The following DGKB variants were observed in gnomAD, a reference collection of about 807,000 sequenced individuals.
DGKB encodes 90 kDa diacylglycerol kinase.
DGKB carries 67 observed loss-of-function variants against 114.3 expected under a neutral mutation model. That is an observed-to-expected ratio of 0.59 (90% confidence interval 0.48 to 0.72). The LOEUF is 0.72. DGKB is among the 30% of genes least tolerant of loss of function. DGKB has a pLI of 0.00. For missense variants in DGKB, 907 were observed against 975.2 expected (o/e 0.93, Z 0.93); for synonymous variants, 398 against 323.1 (o/e 1.23, Z -2.49).
chr7:14,646,580 T>A (rs558642275), intron 13 of DGKB, among the ~76,000 whole-genome samples: 1 of 152,144 alleles, frequency 6.6e-6, no homozygotes, highest in Non-Finnish European at 1.5e-5. Context: ...AAGGATAGAC[T>A]GTATCTTAGG....
intron 1 of DGKB, among the ~76,000 whole-genome samples, chr7:14,947,132 C>T (rs980870477): frequency 6.6e-6 from 1 of 151,372 alleles, no homozygotes; most frequent in Admixed American, 6.6e-5. Context: ...ACTAGGAAAG[C>T]AAAATTCTAA....
chr7:14,337,798 A>C (rs1231750836), intron 23 of DGKB, among the ~76,000 whole-genome samples: 1 of 152,132 alleles, frequency 6.6e-6, no homozygotes, highest in Non-Finnish European at 1.5e-5. Context: ...AATTACATAC[A>C]TAAACTATTG....
chr7:14,921,389 T>C (rs1394419214), intron 1 of DGKB, among the ~76,000 whole-genome samples: 1 of 152,168 alleles, frequency 6.6e-6, no homozygotes, highest in Non-Finnish European at 1.5e-5. Context: ...GCAAAGGTAA[T>C]ATTGTCCTAA....
chr7:14,956,719 G>A (rs975101457), intron 1 of DGKB, among the ~76,000 whole-genome samples: 1 of 151,872 alleles, frequency 6.6e-6, no homozygotes, highest in East Asian at 1.9e-4. Context: ...AAATATACAG[G>A]CACTTGAGGA....
At chr7:14,905,244 G>GT (rs55752603), upstream of DGKB, among the ~76,000 whole-genome samples, 6,319 of 139,298 alleles carry the variant, frequency 0.045, 184 homozygotes, top group Non-Finnish European at 0.053. Context: ...CATCTTGTTA[G>GT]TTTTTTTTTT....
intron 20 of DGKB, among the ~76,000 whole-genome samples, chr7:14,506,746 T>TC (rs1787139210): frequency 6.6e-6 from 1 of 152,266 alleles, no homozygotes; most frequent in African/African-American, 2.4e-5. Flanking sequence ...CTTGGAATTT[T>TC]CCACACAAAA....
chr7:14,927,608 A>C (rs1336210582), intron 1 of DGKB, among the ~76,000 whole-genome samples: 1 of 147,860 alleles, frequency 6.8e-6, no homozygotes, highest in African/African-American at 2.4e-5. Context: ...ATAAAGGTTG[A>C]ATTATATATA....
At chr7:14,936,318 G>T (rs1483537963) in intron 1 of DGKB, among the ~76,000 whole-genome samples, 1 of 152,070 alleles carries the variant, frequency 6.6e-6, no homozygotes, top group African/African-American at 2.4e-5. Context: ...GGAGCAAAAT[G>T]AAAAGGAGGC....
At chr7:14,921,936 T>G (rs372166261) in intron 1 of DGKB, among the ~76,000 whole-genome samples, 3 of 152,322 alleles carry the variant, frequency 2.0e-5, no homozygotes, top group Non-Finnish European at 2.9e-5. Flanking sequence ...CAATCCACTG[T>G]GTTCTGATTA....
chr7:14,937,143 T>C (rs934994187), intron 1 of DGKB, among the ~76,000 whole-genome samples: 1 of 152,042 alleles, frequency 6.6e-6, no homozygotes, highest in African/African-American at 2.4e-5. Flanking sequence ...CATGTCTTCA[T>C]GGCTTTTACA....
At chr7:14,640,266 A>T (rs1395063756) in intron 13 of DGKB, among the ~76,000 whole-genome samples, 1 of 152,238 alleles carries the variant, frequency 6.6e-6, no homozygotes, top group Admixed American at 6.5e-5. Flanking sequence ...GAAAGGAGAA[A>T]AATGTGGAAT....
intron 23 of DGKB, among the ~76,000 whole-genome samples, chr7:14,294,051 G>C (rs1174312571): frequency 6.6e-6 from 1 of 152,090 alleles, no homozygotes; most frequent in African/African-American, 2.4e-5. Flanking sequence ...TCTTTCTGGA[G>C]GCTCAATGGA....
intron 23 of DGKB, among the ~76,000 whole-genome samples, chr7:14,317,576 A>C (rs1445879972): frequency 1.3e-5 from 2 of 149,974 alleles, no homozygotes; most frequent in Non-Finnish European, 3.0e-5. Context: ...TCCAACTTAC[A>C]AGGGATGTGA....
At chr7:14,677,350 T>C (rs1313516173) in intron 12 of DGKB, among the ~76,000 whole-genome samples, 1 of 151,894 alleles carries the variant, frequency 6.6e-6, no homozygotes, top group Non-Finnish European at 1.5e-5. Context: ...GAAGACCTGA[T>C]TTGGAGGCAC....
At chr7:14,873,857 A>G (rs951012984) in intron 1 of DGKB, among the ~76,000 whole-genome samples, 10 of 152,044 alleles carry the variant, frequency 6.6e-5, no homozygotes, top group African/African-American at 2.4e-4. Flanking sequence ...AGAATTTAGT[A>G]ATGGCTGTAT....
chr7:14,921,288 G>C (rs1226075706), intron 1 of DGKB, among the ~76,000 whole-genome samples: 1 of 152,158 alleles, frequency 6.6e-6, no homozygotes, highest in African/African-American at 2.4e-5. Context: ...TTAATTATAA[G>C]AGATGTAGGA....
At chr7:14,833,154 T>TA (rs1373449153) in intron 2 of DGKB, among the ~76,000 whole-genome samples, 4 of 152,094 alleles carry the variant, frequency 2.6e-5, no homozygotes, top group Non-Finnish European at 2.9e-5. Flanking sequence ...ATCTCTCTGT[T>TA]AACAATGCCT....
chr7:14,815,991 T>C (rs1844089877), intron 2 of DGKB, among the ~76,000 whole-genome samples: 1 of 152,194 alleles, frequency 6.6e-6, no homozygotes, highest in Non-Finnish European at 1.5e-5. Context: ...GGCATTGCTA[T>C]ATTTTATCTC....
At chr7:14,423,005 A>C (rs909958476) in intron 21 of DGKB, among the ~76,000 whole-genome samples, 10 of 152,012 alleles carry the variant, frequency 6.6e-5, no homozygotes, top group African/African-American at 2.4e-4. Flanking sequence ...ATAGCTAACT[A>C]TTGGCAGTGC....
Sources: allele counts gnomAD v4.1 joint callset (sites outside exome capture counted in the v4.1 genomes callset), GRCh38; gene constraint gnomAD v4.1.1; transcripts MANE v1.5; gene names NCBI Gene and HGNC (gene_info 2026-07-23, HGNC 2026-07-21).